MGA: variants seen among roughly 807,000 people sequenced by gnomAD.
MGA encodes the protein MAX gene-associated protein.
Under a neutral mutation model 261.1 loss-of-function variants are expected in MGA, and 40 were observed. The observed-to-expected ratio is 0.15, with a 90% CI of 0.12 to 0.20. MGA has a LOEUF of 0.20. Ranked by LOEUF, MGA falls within the 10% of genes least tolerant of loss-of-function variation. The pLI is 1.00. For missense variants in MGA, 3,397 were observed against 3,630.5 expected (o/e 0.94, Z 1.65); for synonymous variants, 1,302 against 1,290.6 (o/e 1.01, Z -0.19).
intron 1 of MGA, among the ~76,000 whole-genome samples, chr15:41,633,498 A>G (rs985928154): frequency 2.0e-5 from 3 of 151,926 alleles, no homozygotes; most frequent in Non-Finnish European, 4.4e-5. Flanking sequence ...GGACCAATGT[A>G]ACTGTGATGT....
intron 9 of MGA, chr15:41,718,596 A>G (rs550481139): frequency 7.6e-5 from 26 of 343,788 alleles, no homozygotes; most frequent in African/African-American, 4.9e-4. Context: ...GTGAGCATCA[A>G]TAAGATGTTT....
Position 41,700,970 on chromosome 15 carries a change from G to T in MGA, c.2188+1811G>T, listed in dbSNP as rs549879363. Among the ~76,000 whole-genome samples the T allele has an allele frequency of 3.9e-5, 6 of 152,212 alleles. No homozygotes were observed. In the East Asian group the frequency reaches 1.2e-3, roughly 29 times the overall value. ...AAATGGTAATACTTGAAGAATTTTT[G>T]CTTTAATGGAAGGCAGCTTGTGTGA... On this transcript the variant is annotated intron_variant, in intron 5 of 23. Transcript: ENST00000219905.
At chr15:41,722,858 T>G (rs2061025937) in intron 9 of MGA, among the ~76,000 whole-genome samples, 1 of 152,148 alleles carries the variant, frequency 6.6e-6, no homozygotes, top group Non-Finnish European at 1.5e-5. Context: ...AACAAGTCCA[T>G]CGCTCTAAGA....
intron 20 of MGA, among the ~76,000 whole-genome samples, chr15:41,761,441 T>TA (rs918473410): frequency 2.6e-5 from 4 of 152,216 alleles, no homozygotes; most frequent in Non-Finnish European, 5.9e-5. Context: ...AGTTGATTAT[T>TA]AAAATCTAAG....
At chr15:41,672,563 T>C (rs960942124) in intron 2 of MGA, among the ~76,000 whole-genome samples, 1 of 152,208 alleles carries the variant, frequency 6.6e-6, no homozygotes. Flanking sequence ...ATAGTATCTC[T>C]GTCACTAAAG....
At chr15:41,650,687 C>T (rs962407086) in intron 1 of MGA, among the ~76,000 whole-genome samples, 2 of 152,194 alleles carry the variant, frequency 1.3e-5, no homozygotes, top group African/African-American at 4.8e-5. Context: ...ATCTGCTTCT[C>T]TTAGCCTCCA....
At chr15:41,695,930 T>C in intron 2 of MGA, 145 bp from the exon 3 acceptor site, 1 of 619,564 alleles carries the variant, frequency 1.6e-6, no homozygotes, top group Middle Eastern at 3.0e-4. Flanking sequence ...TGTGGATTTT[T>C]AGAGTTTTTG....
chr15:41,726,728 C>CAAA (rs71108124), intron 9 of MGA, among the ~76,000 whole-genome samples: 1 of 129,886 alleles, frequency 7.7e-6, no homozygotes, highest in Non-Finnish European at 1.7e-5. Flanking sequence ...GACTCTGTCT[C>CAAA]AAAAAAAAAA....
At chr15:41,628,805 T>C (rs1435171258) in intron 1 of MGA, among the ~76,000 whole-genome samples, 1 of 152,160 alleles carries the variant, frequency 6.6e-6, no homozygotes, top group Non-Finnish European at 1.5e-5. Flanking sequence ...AAATGATACC[T>C]AATTTATGTT....
intron 11 of MGA, 113 bp downstream of exon 11, chr15:41,729,462 T>C (rs1234803355): frequency 9.9e-7 from 1 of 1,007,320 alleles, no homozygotes; most frequent in African/African-American, 1.6e-5. Flanking sequence ...AAGTCATACA[T>C]GACATGTATA....
chr15:41,708,157 A>C lies in MGA; in HGVS notation c.2374A>C (p.Ile792Leu), dbSNP rs1399737985. 1 of 1,602,702 alleles carries C rather than the reference A, an allele frequency of 6.2e-7. No individual in the cohort carries two copies. Among genetic ancestry groups the C allele is most frequent in the Admixed American group, 1.7e-5 (1 of 58,472 alleles). The change falls in exon 7 of 24, where the codon ATC (isoleucine) becomes CTC (leucine). Residue 792 changes from isoleucine to leucine, a missense_variant. Coordinates refer to ENST00000219905, the MANE Select transcript of MGA (RefSeq NM_001164273.2). ...AGGGAAAACCAATGATTTCACTAAG[A>C]TCAAGGGATGGAGGGGAAAATTTCA...
Position 41,742,456 on chromosome 15 carries a change from G to A in MGA, c.4586-90G>A. 8 of 1,452,718 alleles carry A rather than the reference G, an allele frequency of 5.5e-6. 1 individual carries two copies. The South Asian group carries it at 1.0e-4, about 19-fold the overall frequency. The allele number at this position is 1,452,718 out of a possible 1,614,324, so 90.0% of individuals were successfully genotyped here. ...GTAGTACCTGTAAGAAATTGACCCA[G>A]TAGTGCACAGTAAATGTCGGTAAGC... On this transcript the variant is annotated intron_variant, in intron 14 of 23. Transcript: ENST00000219905.
At chr15:41,672,623 T>G (rs1347109804) in intron 2 of MGA, among the ~76,000 whole-genome samples, 1 of 152,252 alleles carries the variant, frequency 6.6e-6, no homozygotes, top group African/African-American at 2.4e-5. Context: ...TATCTTTGTG[T>G]GTGAAAATGG....
chr15:41,710,126 C>G (rs1490962666), intron 7 of MGA, among the ~76,000 whole-genome samples: 1 of 152,134 alleles, frequency 6.6e-6, no homozygotes, highest in Admixed American at 6.6e-5. Flanking sequence ...TGTGCACAGG[C>G]TCCCTGTTAC....
intron 2 of MGA, among the ~76,000 whole-genome samples, chr15:41,682,395 C>T (rs920271185): frequency 6.6e-6 from 1 of 152,170 alleles, no homozygotes; most frequent in Admixed American, 6.5e-5. Flanking sequence ...GTACTCTAGG[C>T]CCCTACCAAG....
At chr15:41,741,478 A>G (rs1465336247) in intron 14 of MGA, among the ~76,000 whole-genome samples, 2 of 152,200 alleles carry the variant, frequency 1.3e-5, no homozygotes, top group East Asian at 3.9e-4. Flanking sequence ...TTTTAGGAAT[A>G]TGTAATACGT....
At chr15:41,727,158 C>T in intron 9 of MGA, 22 bp from the exon 10 acceptor site, 1 of 1,591,340 alleles carries the variant, frequency 6.3e-7, no homozygotes, top group South Asian at 1.1e-5. Context: ...TACCTAAAAC[C>T]TTACCCTTCT....
chr15:41,750,662 G>T (rs1196743388), intron 17 of MGA, 47 bp downstream of exon 17: 1 of 1,500,728 alleles, frequency 6.7e-7, no homozygotes, highest in Non-Finnish European at 8.9e-7. Context: ...GGATTTAAAT[G>T]ATTTATTAAA....
rs757729549 is a variant in MGA, at chr15:41,681,264, A to G, written c.1064+11306A>G. Among the ~76,000 whole-genome samples, 9 of 152,112 alleles carry G rather than the reference A, an allele frequency of 5.9e-5. No individual in the cohort carries two copies. The South Asian group carries it at 6.2e-4, about 10-fold the overall frequency. On this transcript the variant is annotated intron_variant, in intron 2 of 23. Coordinates refer to ENST00000219905, the MANE Select transcript of MGA (RefSeq NM_001164273.2). ...TTCCATTTTAGCTATTTCTTGTGGT[A>G]TTTGCCTCTGTCTAGGTCATATGCA...
Sources: allele counts gnomAD v4.1 joint callset (sites outside exome capture counted in the v4.1 genomes callset), GRCh38; gene constraint gnomAD v4.1.1; transcripts MANE v1.5; gene names NCBI Gene and HGNC (gene_info 2026-07-23, HGNC 2026-07-21).